Variants in FHIT observed in about 807,000 individuals in gnomAD.
FHIT encodes the protein bis(5'-adenosyl)-triphosphatase.
FHIT carries 19 observed loss-of-function variants against 17.9 expected under a neutral mutation model. That is an observed-to-expected ratio of 1.06 (90% CI 0.74 to 1.56). FHIT has a LOEUF of 1.56. Among genes scored for constraint, FHIT ranks in the 40% most tolerant of loss-of-function variants. FHIT has a pLI of 0.00. For synonymous variants in FHIT, 81 were observed against 69.7 expected, an observed-to-expected ratio of 1.16 and a Z score of -0.81; for missense variants, 248 against 189.2, an observed-to-expected ratio of 1.31 and a Z score of -1.82.
At chr3:60,416,950 G>A (rs961819698) in intron 5 of FHIT, among the ~76,000 whole-genome samples, 24 of 151,960 alleles carry the variant, frequency 1.6e-4, no homozygotes, top group African/African-American at 4.1e-4. Flanking sequence ...TTAGCCGGGC[G>A]TGGTGGCAGG....
At chr3:61,181,559 T>C (rs2038343887) in intron 2 of FHIT, among the ~76,000 whole-genome samples, 1 of 152,190 alleles carries the variant, frequency 6.6e-6, no homozygotes, top group Non-Finnish European at 1.5e-5. Context: ...TCCAGAATAC[T>C]AACAAGTTTC....
intron 7 of FHIT, among the ~76,000 whole-genome samples, chr3:60,008,896 C>G (rs761550295): frequency 6.6e-6 from 1 of 152,192 alleles, no homozygotes; most frequent in Non-Finnish European, 1.5e-5. Flanking sequence ...AATATTTTAT[C>G]ATCATACAAT....
intron 5 of FHIT, among the ~76,000 whole-genome samples, chr3:60,310,671 G>A (rs780161424): frequency 1.3e-5 from 2 of 151,946 alleles, no homozygotes; most frequent in Non-Finnish European, 2.9e-5. Flanking sequence ...AGCACTCTAC[G>A]TATTCCTGAA....
At chr3:59,951,219 T>A (rs553900224) in intron 7 of FHIT, among the ~76,000 whole-genome samples, 1 of 152,182 alleles carries the variant, frequency 6.6e-6, no homozygotes, top group Admixed American at 6.5e-5. Context: ...CTAATGTGTG[T>A]TCCCTTCCTA....
intron 5 of FHIT, among the ~76,000 whole-genome samples, chr3:60,399,814 A>G (rs1028813745): frequency 6.6e-6 from 1 of 152,128 alleles, no homozygotes; most frequent in Non-Finnish European, 1.5e-5. Context: ...ATAATTTTTT[A>G]AAAAATCATG....
At chr3:60,386,197 A>ACT (rs1701005491) in intron 5 of FHIT, among the ~76,000 whole-genome samples, 1 of 151,244 alleles carries the variant, frequency 6.6e-6, no homozygotes, top group Admixed American at 6.6e-5. Context: ...CCTCTGGAAG[A>ACT]CTCTCTCCTT....
chr3:60,639,575 A>G (rs1553684831), intron 4 of FHIT, among the ~76,000 whole-genome samples: 1 of 152,144 alleles, frequency 6.6e-6, no homozygotes, highest in African/African-American at 2.4e-5. Context: ...AGACCACAGA[A>G]TTTGAAAAAT....
At chr3:60,270,199 A>C (rs779103404) in intron 5 of FHIT, among the ~76,000 whole-genome samples, 1 of 152,158 alleles carries the variant, frequency 6.6e-6, no homozygotes, top group Non-Finnish European at 1.5e-5. Flanking sequence ...CCCAGCACAG[A>C]AGGCAGCAAA....
At chr3:61,197,615 A>G (rs2038890966) in intron 2 of FHIT, among the ~76,000 whole-genome samples, 1 of 152,222 alleles carries the variant, frequency 6.6e-6, no homozygotes. Flanking sequence ...GAAGTAATTG[A>G]GTTTTCAATC....
chr3:60,951,783 C>A (rs1708895362), intron 3 of FHIT, among the ~76,000 whole-genome samples: 1 of 152,108 alleles, frequency 6.6e-6, no homozygotes, highest in African/African-American at 2.4e-5. Flanking sequence ...CAGAGACAGA[C>A]CTTGTTCTTC....
intron 3 of FHIT, among the ~76,000 whole-genome samples, chr3:60,929,233 T>C (rs1015873142): frequency 6.6e-6 from 1 of 152,192 alleles, no homozygotes; most frequent in African/African-American, 2.4e-5. Flanking sequence ...GAGCTATCTA[T>C]GACAAACCCA....
chr3:61,197,796 C>A (rs1446153433), intron 2 of FHIT, among the ~76,000 whole-genome samples: 2 of 152,098 alleles, frequency 1.3e-5, no homozygotes, highest in Non-Finnish European at 2.9e-5. Context: ...ATCCCCATGA[C>A]ACAAAGAGAC....
intron 5 of FHIT, among the ~76,000 whole-genome samples, chr3:60,045,311 T>C (rs1226820715): frequency 1.3e-5 from 2 of 152,138 alleles, no homozygotes; most frequent in Non-Finnish European, 2.9e-5. Flanking sequence ...GGACTTACAG[T>C]TCCACATGGC....
At chr3:60,333,387 A>G (rs1353615666) in intron 5 of FHIT, among the ~76,000 whole-genome samples, 1 of 152,226 alleles carries the variant, frequency 6.6e-6, no homozygotes, top group Non-Finnish European at 1.5e-5. Context: ...AGAAGTAGAT[A>G]CAGTTAGTTT....
At chr3:60,652,659 C>T (rs781923264) in intron 4 of FHIT, among the ~76,000 whole-genome samples, 25 of 138,230 alleles carry the variant, frequency 1.8e-4, no homozygotes, top group African/African-American at 2.5e-4. Flanking sequence ...AACCCGGGAG[C>T]GGAGCTTGCA....
At chr3:59,940,060 C>T (rs1455078453) in intron 7 of FHIT, among the ~76,000 whole-genome samples, 1 of 152,138 alleles carries the variant, frequency 6.6e-6, no homozygotes, top group Non-Finnish European at 1.5e-5. Context: ...CCTAGTCCTG[C>T]CACTTTCCAG....
At position 61,239,290 on chromosome 3, in the gene FHIT, C is replaced by T. The variant is rs140907524; in HGVS notation, c.-213+12011G>A. 5.0e-3 allele frequency among the ~76,000 whole-genome samples: 759 copies of T among 152,270 alleles called. 7 individuals carry two copies. Among genetic ancestry groups the T allele is most frequent in the African/African-American group, 0.017 (727 of 41,556 alleles). On this transcript the variant is annotated intron_variant, in intron 1 of 9. Transcript: ENST00000492590. ...TATGGCCTGGGCCCTATCTATACAG[C>T]CAATTTCATCTGATGTCAGTCTCCC... is the stretch of plus-strand genomic sequence containing the variant.
intron 3 of FHIT, among the ~76,000 whole-genome samples, chr3:60,852,728 A>G (rs138405674): frequency 1.8e-4 from 28 of 152,244 alleles, no homozygotes; most frequent in African/African-American, 3.6e-4. Flanking sequence ...CAGTCTTGAA[A>G]AAAAGAAATA....
intron 5 of FHIT, among the ~76,000 whole-genome samples, chr3:60,525,398 T>C (rs1446907150): frequency 6.6e-6 from 1 of 152,208 alleles, no homozygotes; most frequent in Non-Finnish European, 1.5e-5. Flanking sequence ...ACTCTAAGAA[T>C]TGAAGGGATC....
Sources: allele counts gnomAD v4.1 joint callset (sites outside exome capture counted in the v4.1 genomes callset), GRCh38; gene constraint gnomAD v4.1.1; transcripts MANE v1.5; gene names NCBI Gene and HGNC (gene_info 2026-07-23, HGNC 2026-07-21).